LRRC8B: variants seen among roughly 807,000 people sequenced by gnomAD.
LRRC8B encodes leucine rich repeat containing 8 VRAC subunit B, also known as volume-regulated anion channel subunit LRRC8B.
Under a neutral mutation model 58.8 loss-of-function variants are expected in LRRC8B, and 23 were observed. That is an observed-to-expected ratio of 0.39 (90% CI 0.28 to 0.55). The LOEUF is 0.55. Among genes scored for constraint, LRRC8B ranks in the 20% least tolerant of loss-of-function variants. The pLI is 0.62. For missense variants in LRRC8B, 694 were observed against 936.0 expected (o/e 0.74, Z 3.37); for synonymous variants, 359 against 374.1 (o/e 0.96, Z 0.47).
At chr1:89,541,573 T>C (rs374474299) in intron 1 of LRRC8B, among the ~76,000 whole-genome samples, 1 of 149,298 alleles carries the variant, frequency 6.7e-6, no homozygotes, top group East Asian at 2.0e-4. Flanking sequence ...TAGCCGGGCG[T>C]AGTGGCGGGC....
chr1:89,563,023 C>T (rs1652797039), intron 1 of LRRC8B, among the ~76,000 whole-genome samples: 2 of 152,112 alleles, frequency 1.3e-5, no homozygotes, highest in Admixed American at 1.3e-4. Context: ...GCAAATTCAA[C>T]ACATTAAAAT....
chr1:89,581,954 G>C (rs1443423129), intron 4 of LRRC8B, among the ~76,000 whole-genome samples: 1 of 152,140 alleles, frequency 6.6e-6, no homozygotes, highest in Non-Finnish European at 1.5e-5. Context: ...AAGCCTAAGG[G>C]GTAATTTCAC....
At chr1:89,582,485 C>G (rs1362428227) in intron 4 of LRRC8B, 140 bp from the exon 5 acceptor site, 1 of 604,928 alleles carries the variant, frequency 1.7e-6, no homozygotes, top group African/African-American at 1.9e-5. Flanking sequence ...CTTATGTGCC[C>G]CTTAATCAGC....
chr1:89,592,296 G>C (rs1557627522), intron 5 of LRRC8B, among the ~76,000 whole-genome samples: 1 of 152,112 alleles, frequency 6.6e-6, no homozygotes, highest in Non-Finnish European at 1.5e-5. Context: ...TTAAAAAAGA[G>C]AATAAGGTTT....
chr1:89,556,011 G>A (rs1482809634), intron 1 of LRRC8B, among the ~76,000 whole-genome samples: 2 of 152,148 alleles, frequency 1.3e-5, no homozygotes, highest in Non-Finnish European at 2.9e-5. Context: ...TAGGCACCTG[G>A]GTAGCTTCAG....
In LRRC8B at chr1:89,592,950, A is replaced by G. The variant is rs777066920; in HGVS notation, c.2319A>G (p.Leu773=). The G allele has an allele frequency of 2.5e-6, 4 of 1,614,150 alleles. No individual in the cohort carries two copies. Among genetic ancestry groups the G allele is most frequent in the Non-Finnish European group, 3.4e-6 (4 of 1,179,984 alleles). The change falls in exon 6 of 6, where the codon CTA becomes CTG. Residue 773 remains leucine (L), a synonymous_variant. Transcript: ENST00000330947. ...CTGAACTAGAAGGATGTCAGTCCCT[A>G]AAACGGAACTGTCTGATTGTTGAGG... ...LPPELEGCQS[L]KRNCLIVEEN...
At chr1:89,560,862 TTTA>T (rs1652592381) in intron 1 of LRRC8B, among the ~76,000 whole-genome samples, 1 of 152,150 alleles carries the variant, frequency 6.6e-6, no homozygotes. Context: ...TGCATGTGTC[TTTA>T]TAGCAGCATG....
intron 1 of LRRC8B, among the ~76,000 whole-genome samples, chr1:89,532,654 CA>C (rs1650227554): frequency 6.6e-6 from 1 of 152,168 alleles, no homozygotes; most frequent in South Asian, 2.1e-4. Flanking sequence ...GAGGCCCACC[CA>C]AAGCCATGCA....
At chr1:89,590,222 G>A (rs949154882) in intron 5 of LRRC8B, among the ~76,000 whole-genome samples, 1 of 152,098 alleles carries the variant, frequency 6.6e-6, no homozygotes, top group African/African-American at 2.4e-5. Context: ...TTAAATAATT[G>A]TTTTCTAACA....
At chr1:89,578,562 G>C (rs369973768) in intron 3 of LRRC8B, among the ~76,000 whole-genome samples, 67 of 152,296 alleles carry the variant, frequency 4.4e-4, no homozygotes, top group African/African-American at 1.6e-3. Flanking sequence ...AATAGGCTTT[G>C]CACATGACTT....
chr1:89,584,672 G>C lies in LRRC8B; in HGVS notation c.2022G>C (p.Gln674His), dbSNP rs140590278. The C allele has an allele frequency of 1.9e-6, 3 of 1,613,860 alleles. No homozygotes were observed. The highest frequency in any genetic ancestry group is 2.5e-6 in the Non-Finnish European group (3 of 1,180,006). ...DHNNIENLPL[Q>H]LFLCTKLHYL... is the part of the protein sequence containing the mutation. ...ATAATATTGAGAATCTGCCCTTGCA[G>C]CTTTTCCTATGCACTAAACTACATT... The change falls in exon 5 of 6, where the codon CAG becomes CAC. Residue 674 changes from glutamine (Q) to histidine (H), a missense_variant. Around this residue, in one of 5 missense-constraint regions of LRRC8B, gnomAD observed 139 missense variants for 158.2 expected, o/e 0.88. Transcript: ENST00000330947.
Position 89,583,583 on chromosome 1 carries a change from C to A in LRRC8B, c.933C>A (p.Ile311=), listed in dbSNP as rs1226145104. The A allele has an allele frequency of 1.9e-6, 3 of 1,611,072 alleles. No individual in the cohort carries two copies. The highest frequency in any genetic ancestry group is 3.3e-5 in the Admixed American group (2 of 59,994). ...RYQCVYSLAE[I]FKVLASFYVI... ...AGTGTGTCTATTCCTTGGCAGAAAT[C>A]TTTAAGGTCCTGGCTTCATTTTATG... Residue 311 remains isoleucine (I), a synonymous_variant, in exon 5 of 6, where the codon ATC becomes ATA. Coordinates refer to ENST00000330947, the MANE Select transcript of LRRC8B (RefSeq NM_001369817.2). This position sits in a 1 kb window ranked among gnomAD's most constrained non-coding sequence, Gnocchi z 5.2.
intron 3 of LRRC8B, among the ~76,000 whole-genome samples, chr1:89,569,594 A>C (rs1323196506): frequency 6.6e-6 from 1 of 152,152 alleles, no homozygotes; most frequent in African/African-American, 2.4e-5. Context: ...TAGCTCACAT[A>C]GGCTAAGGGC....
At chr1:89,547,019 T>G (rs1216189928) in intron 1 of LRRC8B, among the ~76,000 whole-genome samples, 2 of 152,206 alleles carry the variant, frequency 1.3e-5, no homozygotes, top group Non-Finnish European at 2.9e-5. Context: ...AAAAGTAAAA[T>G]AAATACTCAA....
intron 1 of LRRC8B, among the ~76,000 whole-genome samples, chr1:89,560,140 T>A (rs115107764): frequency 0.017 from 2,614 of 152,352 alleles, 83 homozygotes; most frequent in African/African-American, 0.059. Flanking sequence ...GTCAGTAAGA[T>A]GTAAAGTGAG....
Position 89,592,771 on chromosome 1 carries a change from A to G in LRRC8B, c.2140A>G (p.Ile714Val). Residue 714 changes from isoleucine to valine, a missense_variant and splice_region_variant, in exon 6 of 6, where the codon ATT (isoleucine) becomes GTT (valine). By Grantham distance (29) the Ile-to-Val change is conservative. Transcript: ENST00000330947. ...AGCTTCTTTTTTCTTCCCTTTCCAG[A>G]TTGAGATGCTACCAGATGGGCTGTT... ...LQYFAVTNNNIEMLPDGLFQC... is the reference protein window; with the variant it reads ...LQYFAVTNNNVEMLPDGLFQC... 1 of 1,612,516 alleles carries G rather than the reference A, an allele frequency of 6.2e-7. No individual in the cohort carries two copies. Among genetic ancestry groups the G allele is most frequent in the Non-Finnish European group, 8.5e-7 (1 of 1,179,458 alleles).
At chr1:89,525,107 G>C (rs1449813898) in intron 1 of LRRC8B, 85 bp downstream of exon 1, 1 of 152,508 alleles carries the variant, frequency 6.6e-6, no homozygotes, top group Admixed American at 6.5e-5. Context: ...ATACGGGGAC[G>C]CAGCAGGTGG....
At chr1:89,569,725 T>C (rs563666716) in intron 3 of LRRC8B, among the ~76,000 whole-genome samples, 2 of 152,262 alleles carry the variant, frequency 1.3e-5, no homozygotes, top group East Asian at 3.9e-4. Context: ...TTTTTAACTT[T>C]TAAGTTCGGA....
chr1:89,557,679 G>A (rs1652292276), intron 1 of LRRC8B, among the ~76,000 whole-genome samples: 3 of 152,202 alleles, frequency 2.0e-5, no homozygotes, highest in Non-Finnish European at 4.4e-5. Flanking sequence ...TCACTAGTGC[G>A]AGGAGCGGAG....
Sources: gnomAD v4.1 joint callset for allele counts (sites outside exome capture counted in the v4.1 genomes callset) on GRCh38, gnomAD v4.1.1 for gene constraint, gnomAD v4.1.1 regional missense constraint, Gnocchi (gnomAD v3.1) non-coding constraint, MANE v1.5 for transcripts, NCBI Gene and HGNC (gene_info 2026-07-23, HGNC 2026-07-21) for gene names.